The following NR2F1-AS1 variants were observed in gnomAD, a reference collection of about 807,000 sequenced individuals.
The protein encoded by NR2F1-AS1 is NR2F1 antisense RNA 1.
At chr5:93,478,710 A>C (rs2149874022) in intron 4 of NR2F1-AS1, among the ~76,000 whole-genome samples, 1 of 152,348 alleles carries the variant, frequency 6.6e-6, no homozygotes, top group East Asian at 1.9e-4. Flanking sequence ...CCAAAGGAGC[A>C]GTTTTATATA....
intron 4 of NR2F1-AS1, among the ~76,000 whole-genome samples, chr5:93,454,727 T>G (rs1051979887): frequency 1.3e-5 from 2 of 152,098 alleles, no homozygotes; most frequent in African/African-American, 2.4e-5. Flanking sequence ...AAAAGTTGAG[T>G]TGATCACCAA....
In NR2F1-AS1 at chr5:93,561,040, G is replaced by A. The variant is rs371372539; in HGVS notation, n.413+2324C>T. Among the ~76,000 whole-genome samples the A allele has an allele frequency of 2.6e-5, 4 of 151,924 alleles. No homozygotes were observed. The East Asian group carries it at 5.9e-4, about 22-fold the overall frequency. Reference sequence around the variant, plus strand: ...TGTAATCCCAGCACTTTGGGATACCGAGGCGGGCAGATCACCTGAGGTCGG... The same window carrying A: ...TGTAATCCCAGCACTTTGGGATACCAAGGCGGGCAGATCACCTGAGGTCGG... On this transcript the variant is annotated intron_variant and non_coding_transcript_variant, in intron 2 of 5. Transcript: ENST00000660523.
At chr5:93,573,231 C>G (rs888583340) in intron 1 of NR2F1-AS1, among the ~76,000 whole-genome samples, 10 of 152,230 alleles carry the variant, frequency 6.6e-5, no homozygotes, top group Non-Finnish European at 1.5e-4. Flanking sequence ...GCAGTGCTCC[C>G]CCGACACACC....
chr5:93,424,472 C>G (rs1749155769), intron 4 of NR2F1-AS1, among the ~76,000 whole-genome samples: 1 of 152,012 alleles, frequency 6.6e-6, no homozygotes, highest in East Asian at 1.9e-4. Context: ...CATTCTCACC[C>G]CACATAGATC....
intron 4 of NR2F1-AS1, among the ~76,000 whole-genome samples, chr5:93,440,180 G>GCT (rs759140588): frequency 1.8e-4 from 27 of 149,234 alleles, no homozygotes; most frequent in African/African-American, 5.0e-4. Context: ...TCTCTCGCTC[G>GCT]CTCTCTCTCT....
chr5:93,512,615 C>T (rs891882931), intron 4 of NR2F1-AS1, among the ~76,000 whole-genome samples: 1 of 152,132 alleles, frequency 6.6e-6, no homozygotes, highest in Non-Finnish European at 1.5e-5. Flanking sequence ...CACTGACTAA[C>T]CCAGAGCAAC....
intron 4 of NR2F1-AS1, among the ~76,000 whole-genome samples, chr5:93,458,078 C>T (rs1749992226): frequency 6.6e-6 from 1 of 152,128 alleles, no homozygotes; most frequent in African/African-American, 2.4e-5. Flanking sequence ...GTGGCCAGCC[C>T]CTCCACACCT....
intron 2 of NR2F1-AS1, among the ~76,000 whole-genome samples, chr5:93,558,649 C>T (rs1265315584): frequency 6.6e-6 from 1 of 152,130 alleles, no homozygotes; most frequent in Non-Finnish European, 1.5e-5. Context: ...ATTAATAAAA[C>T]TTGAAAGTTG....
chr5:93,510,519 C>A (rs1751273918), intron 4 of NR2F1-AS1, among the ~76,000 whole-genome samples: 1 of 152,046 alleles, frequency 6.6e-6, no homozygotes, highest in African/African-American at 2.4e-5. Flanking sequence ...TCTCAAAGAA[C>A]CTCATTTTTC....
intron 4 of NR2F1-AS1, among the ~76,000 whole-genome samples, chr5:93,534,993 AG>A (rs1751810563): frequency 6.6e-6 from 1 of 152,240 alleles, no homozygotes; most frequent in African/African-American, 2.4e-5. Context: ...AGGCATCTAT[AG>A]GAATTAGATG....
intron 4 of NR2F1-AS1, among the ~76,000 whole-genome samples, chr5:93,471,144 A>G (rs1331081680): frequency 1.3e-5 from 2 of 151,960 alleles, no homozygotes; most frequent in African/African-American, 4.8e-5. Flanking sequence ...ACAAGAATCA[A>G]TTAGCAAAAA....
At chr5:93,513,789 T>A (rs1342038418) in intron 4 of NR2F1-AS1, among the ~76,000 whole-genome samples, 1 of 152,124 alleles carries the variant, frequency 6.6e-6, no homozygotes, top group Non-Finnish European at 1.5e-5. Flanking sequence ...CTTGCACATG[T>A]AACCCTGAAT....
intron 4 of NR2F1-AS1, among the ~76,000 whole-genome samples, chr5:93,513,391 T>C (rs1240979666): frequency 2.0e-5 from 3 of 152,128 alleles, no homozygotes; most frequent in African/African-American, 7.2e-5. Context: ...CCATCCACAA[T>C]ATCAAAGACA....
intron 4 of NR2F1-AS1, among the ~76,000 whole-genome samples, chr5:93,525,364 G>T (rs554810253): frequency 1.3e-5 from 2 of 152,272 alleles, no homozygotes; most frequent in African/African-American, 4.8e-5. Context: ...CATAAAGCAA[G>T]TTCTTAGAGA....
At chr5:93,569,648 T>C (rs190896358) in intron 1 of NR2F1-AS1, among the ~76,000 whole-genome samples, 6 of 152,238 alleles carry the variant, frequency 3.9e-5, no homozygotes, top group African/African-American at 1.4e-4. Flanking sequence ...TGAATTAAAT[T>C]CCCAAGGAAG....
upstream of NR2F1-AS1, chr5:93,584,917 CTCCCCCTCCCCCCT>C (rs1753200410): frequency 7.0e-6 from 1 of 142,380 alleles, no homozygotes; most frequent in African/African-American, 2.6e-5. Flanking sequence ...CCCCCGCCCC[CTCCCCCTCCCCCCT>C]TCCCCTTCCC....
chr5:93,454,185 G>A (rs1220714431), intron 4 of NR2F1-AS1, among the ~76,000 whole-genome samples: 1 of 152,118 alleles, frequency 6.6e-6, no homozygotes, highest in Non-Finnish European at 1.5e-5. Flanking sequence ...GGAGCCTGAG[G>A]TAGAAGGATC....
At chr5:93,518,502 G>T (rs1751441143) in intron 4 of NR2F1-AS1, among the ~76,000 whole-genome samples, 2 of 151,920 alleles carry the variant, frequency 1.3e-5, no homozygotes, top group Non-Finnish European at 2.9e-5. Context: ...AGGGACTAAG[G>T]GATTTTCCAA....
intron 4 of NR2F1-AS1, among the ~76,000 whole-genome samples, chr5:93,529,341 T>C (rs1451203095): frequency 6.6e-6 from 1 of 152,154 alleles, no homozygotes; most frequent in Non-Finnish European, 1.5e-5. Context: ...AGAAGACAGA[T>C]AAAGAAGTCA....
Sources: gnomAD v4.1 joint callset for allele counts (sites outside exome capture counted in the v4.1 genomes callset) on GRCh38, gnomAD v4.1.1 for gene constraint, MANE v1.5 for transcripts, NCBI Gene and HGNC (gene_info 2026-07-23, HGNC 2026-07-21) for gene names.